Variants in ZNF804B observed in about 807,000 individuals in gnomAD.
The protein encoded by ZNF804B is zinc finger protein 804B, also known as zinc finger 804B.
A neutral mutation model predicts 101.4 loss-of-function variants in ZNF804B; 80 were observed. The observed-to-expected ratio is 0.79, with a 90% CI of 0.66 to 0.95. The LOEUF (loss-of-function observed/expected upper bound fraction) is 0.95. ZNF804B is among the 40% of genes least tolerant of loss of function. The probability of loss-of-function intolerance (pLI) is 0.00; values close to 1 mark genes in which losing one functional copy is unlikely to be tolerated. For missense variants in ZNF804B, 1,673 were observed against 1,561.9 expected, an observed-to-expected ratio of 1.07 and a Z score of -1.20; for synonymous variants, 622 against 558.8, an observed-to-expected ratio of 1.11 and a Z score of -1.59.
chr7:89,152,984 C>T lies in ZNF804B; in HGVS notation c.109-65171C>T, dbSNP rs533309016. ...TGTATGAAAGAAAATATTAACTAAA[C>T]TTAAATGTCATAAATCTTTGTAAAT... On this transcript the variant is annotated intron_variant, in intron 1 of 3. Coordinates refer to ENST00000333190, the MANE Select transcript of ZNF804B (RefSeq NM_181646.5). 9.2e-5 allele frequency among the ~76,000 whole-genome samples: 14 copies of T among 152,088 alleles called. No homozygotes were observed. The East Asian group carries it at 2.3e-3, about 25-fold the overall frequency.
At chr7:89,237,313 A>G (rs1789299230) in intron 2 of ZNF804B, among the ~76,000 whole-genome samples, 1 of 152,146 alleles carries the variant, frequency 6.6e-6, no homozygotes, top group South Asian at 2.1e-4. Flanking sequence ...GTTTTCAGTT[A>G]GAAGACTTAG....
intron 1 of ZNF804B, among the ~76,000 whole-genome samples, chr7:88,873,550 T>C (rs1791873911): frequency 6.6e-6 from 1 of 152,342 alleles, no homozygotes; most frequent in East Asian, 1.9e-4. Flanking sequence ...TGCCCATGCC[T>C]ATGTCCTGAA....
chr7:88,844,730 G>A (rs1791343950), intron 1 of ZNF804B, among the ~76,000 whole-genome samples: 1 of 152,120 alleles, frequency 6.6e-6, no homozygotes, highest in African/African-American at 2.4e-5. Flanking sequence ...ATCTTGCTGT[G>A]AAAAATGCAA....
intron 1 of ZNF804B, among the ~76,000 whole-genome samples, chr7:88,918,593 T>C (rs1792672304): frequency 6.6e-6 from 1 of 152,172 alleles, no homozygotes; most frequent in Admixed American, 6.6e-5. Flanking sequence ...GTGTTGTCAC[T>C]CATGTCTCTA....
At position 89,336,558 on chromosome 7, in the gene ZNF804B, C is replaced by T; in HGVS notation, c.3576C>T (p.Ala1192=). ...CAGGGCCTACTGCCTTCTCTCCGGC[C>T]TCAACCGTACAGACAGTTCCAGTTC... ...PAAGPTAFSP[A]STVQTVPVHQ... Residue 1192 remains alanine, a synonymous_variant, in exon 4 of 4, where the codon GCC becomes GCT. Transcript: ENST00000333190. The T allele has an allele frequency of 6.2e-7, 1 of 1,614,122 alleles. No individual in the cohort carries two copies. Among genetic ancestry groups the T allele is most frequent in the African/African-American group, 1.3e-5 (1 of 75,048 alleles).
intron 1 of ZNF804B, among the ~76,000 whole-genome samples, chr7:88,809,329 AT>A (rs1169053800): frequency 2.9e-4 from 37 of 128,580 alleles, no homozygotes; most frequent in African/African-American, 8.8e-4. Context: ...CTATCTATCT[AT>A]CTATCTATCT....
intron 1 of ZNF804B, among the ~76,000 whole-genome samples, chr7:89,156,046 T>TTCTTTCTTTCTTTCTTTCTC (rs1562899713): frequency 1.9e-4 from 17 of 88,814 alleles, no homozygotes; most frequent in African/African-American, 6.9e-4. Flanking sequence ...CTTTCTTTCT[T>TTCTTTCTTTCTTTCTTTCTC]TCTTTCTTTC....
At chr7:88,950,926 AT>A (rs5885646) in intron 1 of ZNF804B, among the ~76,000 whole-genome samples, 112,154 of 149,878 alleles carry the variant, frequency 0.75, 41,990 homozygotes, top group South Asian at 0.84. Flanking sequence ...AAGTGAGCTA[AT>A]TTTTTTTTTT....
chr7:88,890,918 T>G (rs1244702062), intron 1 of ZNF804B, among the ~76,000 whole-genome samples: 1 of 152,188 alleles, frequency 6.6e-6, no homozygotes. Flanking sequence ...TCTTCTGTGG[T>G]CACTGTAAAT....
intron 1 of ZNF804B, among the ~76,000 whole-genome samples, chr7:89,062,399 C>T (rs150284565): frequency 1.2e-3 from 183 of 152,216 alleles, no homozygotes; most frequent in African/African-American, 4.3e-3. Context: ...GCAATATTGA[C>T]CTGACTTCTA....
intron 1 of ZNF804B, among the ~76,000 whole-genome samples, chr7:88,901,557 T>A (rs1483147201): frequency 3.3e-5 from 5 of 151,846 alleles, no homozygotes; most frequent in Admixed American, 6.6e-5. Flanking sequence ...GTATCTGCAG[T>A]TCTCTTGATA....
chr7:88,935,823 A>G (rs1584026109), intron 1 of ZNF804B, among the ~76,000 whole-genome samples: 2 of 152,090 alleles, frequency 1.3e-5, no homozygotes, highest in South Asian at 4.1e-4. Context: ...TCAACTACTA[A>G]TGACAGTTAC....
At chr7:89,057,458 C>CT (rs1004740643) in intron 1 of ZNF804B, among the ~76,000 whole-genome samples, 44 of 152,008 alleles carry the variant, frequency 2.9e-4, no homozygotes, top group African/African-American at 9.6e-4. Flanking sequence ...AGAGTGAGGG[C>CT]TACAGTTCCT....
chr7:89,224,759 T>TGTGTGTATGA (rs1554381051), intron 2 of ZNF804B, among the ~76,000 whole-genome samples: 26 of 40,950 alleles, frequency 6.3e-4, no homozygotes, highest in African/African-American at 1.5e-3. Context: ...TGTATGAGTG[T>TGTGTGTATGA]GTGTGTGTGT....
At chr7:89,250,952 G>A (rs924915037) in intron 2 of ZNF804B, among the ~76,000 whole-genome samples, 2 of 152,072 alleles carry the variant, frequency 1.3e-5, no homozygotes, top group African/African-American at 2.4e-5. Context: ...AAAATAATAA[G>A]AGCCATCTAT....
intron 1 of ZNF804B, among the ~76,000 whole-genome samples, chr7:88,840,322 T>C (rs1791276613): frequency 6.6e-6 from 1 of 152,160 alleles, no homozygotes; most frequent in East Asian, 1.9e-4. Context: ...TGGCAGCTTA[T>C]TATTTCCTAT....
chr7:88,903,320 T>C (rs1220735095), intron 1 of ZNF804B, among the ~76,000 whole-genome samples: 1 of 152,186 alleles, frequency 6.6e-6, no homozygotes, highest in East Asian at 1.9e-4. Context: ...TTCCATAGTG[T>C]ATCTGTACCA....
At chr7:89,284,471 G>T (rs1195520490) in intron 2 of ZNF804B, among the ~76,000 whole-genome samples, 1 of 152,328 alleles carries the variant, frequency 6.6e-6, no homozygotes, top group Admixed American at 6.5e-5. Context: ...ACCATAGATT[G>T]AGGTCTGCAG....
intron 1 of ZNF804B, among the ~76,000 whole-genome samples, chr7:88,767,868 A>T (rs1206935563): frequency 1.3e-5 from 2 of 151,996 alleles, no homozygotes; most frequent in Non-Finnish European, 2.9e-5. Flanking sequence ...TACCCCAAAA[A>T]TTTTTTACCC....
Sources: gnomAD v4.1 joint callset for allele counts (sites outside exome capture counted in the v4.1 genomes callset) on GRCh38, gnomAD v4.1.1 for gene constraint, MANE v1.5 for transcripts, NCBI Gene and HGNC (gene_info 2026-07-23, HGNC 2026-07-21) for gene names.